Variants in ADCY9 observed in about 807,000 individuals in gnomAD.
ADCY9 encodes adenylate cyclase type 9.
ADCY9 carries 50 observed loss-of-function variants against 101.5 expected under a neutral mutation model. The ratio of observed to expected loss-of-function variants is 0.49; its 90% CI spans 0.39 to 0.62. The LOEUF is 0.62. Ranked by LOEUF, ADCY9 falls within the 20% of genes least tolerant of loss-of-function variation. The pLI, the probability that ADCY9 is intolerant of heterozygous loss-of-function variation, is 0.00. For synonymous variants in ADCY9, 905 were observed against 769.3 expected (o/e 1.18, Z -2.92); for missense variants, 1,662 against 1,800.4 (o/e 0.92, Z 1.39).
At chr16:3,980,861 G>A (rs910627095) in intron 7 of ADCY9, among the ~76,000 whole-genome samples, 1 of 152,214 alleles carries the variant, frequency 6.6e-6, no homozygotes, top group East Asian at 1.9e-4. Flanking sequence ...CTTCATGCTG[G>A]TCCCTGAGAC....
rs149609280 is a variant in ADCY9, at chr16:4,105,248, T to C, written c.1693+8502A>G. ...GGTGAAATGAATTACTATTTTGAAA[T>C]AAATTTAGAAAAGATTTTTAAGCTT... is the stretch of plus-strand genomic sequence containing the variant. On this transcript the variant is annotated intron_variant, in intron 2 of 10. Transcript: ENST00000294016. Among the ~76,000 whole-genome samples the C allele has an allele frequency of 1.8e-3, 272 of 152,312 alleles. 2 individuals are homozygous for C. In the Middle Eastern group the frequency reaches 0.024, roughly 13 times the overall value.
chr16:4,103,300 G>C (rs958111592), intron 2 of ADCY9, among the ~76,000 whole-genome samples: 5 of 152,210 alleles, frequency 3.3e-5, no homozygotes, highest in Non-Finnish European at 7.3e-5. Flanking sequence ...ATCCCTAGAG[G>C]TCCTTGAGGC....
chr16:4,097,487 TAC>T (rs71139606), intron 2 of ADCY9, among the ~76,000 whole-genome samples: 2 of 72,508 alleles, frequency 2.8e-5, no homozygotes, highest in Non-Finnish European at 5.3e-5. Context: ...TATATATATA[TAC>T]ACACACACAC....
intron 10 of ADCY9, among the ~76,000 whole-genome samples, chr16:3,973,149 A>G (rs986908197): frequency 3.3e-5 from 5 of 152,156 alleles, no homozygotes; most frequent in Non-Finnish European, 7.3e-5. Flanking sequence ...ATTTGAGTAA[A>G]TGTATAATCA....
intron 2 of ADCY9, among the ~76,000 whole-genome samples, chr16:4,091,151 G>A (rs1350363050): frequency 6.6e-6 from 1 of 152,120 alleles, no homozygotes; most frequent in African/African-American, 2.4e-5. Flanking sequence ...TCGGCTCACT[G>A]CAACCTCTGC....
chr16:4,081,698 G>A (rs1298746578), intron 2 of ADCY9, among the ~76,000 whole-genome samples: 1 of 151,986 alleles, frequency 6.6e-6, no homozygotes, highest in African/African-American at 2.4e-5. Context: ...CCAGGGTGCA[G>A]GAGGGGAGGA....
chr16:3,991,843 G>C (rs2056246907), intron 5 of ADCY9, among the ~76,000 whole-genome samples: 1 of 151,640 alleles, frequency 6.6e-6, no homozygotes. Flanking sequence ...GGTGGGGTAG[G>C]TGGATCACCC....
At chr16:3,959,766 C>T (rs552020456), downstream of ADCY9, among the ~76,000 whole-genome samples, 1 of 152,290 alleles carries the variant, frequency 6.6e-6, no homozygotes, top group Non-Finnish European at 1.5e-5. Flanking sequence ...TGGCTCATGG[C>T]TGTAATCCTA....
intron 8 of ADCY9, among the ~76,000 whole-genome samples, chr16:3,978,272 C>T (rs1168829301): frequency 6.6e-6 from 1 of 152,182 alleles, no homozygotes; most frequent in Non-Finnish European, 1.5e-5. Context: ...TCCTTCAAAA[C>T]ACTTTTCCTT....
At chr16:4,106,422 T>C (rs437115) in intron 2 of ADCY9, among the ~76,000 whole-genome samples, 65,608 of 152,010 alleles carry the variant, frequency 0.43, 14,517 homozygotes, top group Middle Eastern at 0.47. Context: ...CACCGGTGCC[T>C]GGCCACTTCC....
chr16:4,115,572 G>A lies in ADCY9; in HGVS notation c.-43-87C>T. On this transcript the variant is annotated intron_variant, in intron 1 of 10. Coordinates refer to ENST00000294016, the MANE Select transcript of ADCY9 (RefSeq NM_001116.4). This position sits in a 1 kb window ranked among gnomAD's most constrained non-coding sequence, Gnocchi z 6.2. ...GGGACCTGCTCCTGTCCTAAGGGGC[G>A]GCTCCAGCACGCGACCTGGACAGGC... 8.5e-7 allele frequency: 1 copy of A among 1,181,884 alleles called. No individual in the cohort carries two copies. Among genetic ancestry groups the A allele is most frequent in the Non-Finnish European group, 1.2e-6 (1 of 869,412 alleles). 73.2% of individuals were successfully genotyped at this position (1,181,884 alleles called of 1,614,324 possible). A position where few individuals can be genotyped will look rare whatever the true frequency, so the allele number is the denominator to read the frequency against.
chr16:4,061,069 A>G (rs914725112), intron 2 of ADCY9, among the ~76,000 whole-genome samples: 7 of 152,160 alleles, frequency 4.6e-5, no homozygotes, highest in African/African-American at 1.7e-4. Context: ...GTTCAAAAGT[A>G]TAATAACTGT....
Position 3,983,277 on chromosome 16 carries a change from C to G in ADCY9, c.2474G>C (p.Ser825Thr), listed in dbSNP as rs766342969. The change falls in exon 7 of 11, where the codon AGT becomes ACT. Residue 825 changes from serine to threonine, a missense_variant. Transcript: ENST00000294016. Reference sequence around the variant, plus strand: ...CAGCACCTCCAGCAGCAGGGCTGCACTGAAGACCGCCAGGGCGGCGGGCGG... The same window carrying G: ...CAGCACCTCCAGCAGCAGGGCTGCAGTGAAGACCGCCAGGGCGGCGGGCGG... ...PPPPAALAVF[S>T]AALLLEVLSL... 1.3e-6 allele frequency: 2 copies of G among 1,555,386 alleles called. No homozygotes were observed. The highest frequency in any genetic ancestry group is 2.4e-5 in the East Asian group (1 of 41,044).
intron 5 of ADCY9, among the ~76,000 whole-genome samples, chr16:3,989,300 A>G (rs2056224416): frequency 1.3e-5 from 2 of 152,076 alleles, no homozygotes; most frequent in Admixed American, 1.3e-4. Context: ...AAGCATAATC[A>G]TATTTTGTGT....
At chr16:4,107,466 G>A (rs1374578485) in intron 2 of ADCY9, among the ~76,000 whole-genome samples, 2 of 142,342 alleles carry the variant, frequency 1.4e-5, no homozygotes, top group African/African-American at 2.6e-5. Context: ...CAGGAGAACC[G>A]CTTGAACCTG....
chr16:3,983,483 G>C (rs1455714533), intron 6 of ADCY9, 43 bp from the exon 7 acceptor site: 1 of 1,535,734 alleles, frequency 6.5e-7, no homozygotes, highest in East Asian at 2.4e-5. Context: ...GGAGGCCATG[G>C]GCGGCCAGGA....
Position 4,014,939 on chromosome 16 carries a change from C to CTTTTTTTTTTTTT in ADCY9, c.1694-7394_1694-7382dup, listed in dbSNP as rs578260761. 2.1e-5 allele frequency among the ~76,000 whole-genome samples: 2 copies of CTTTTTTTTTTTTT among 93,240 alleles called. 1 individual carries two copies. The highest frequency in any genetic ancestry group is 8.7e-5 in the African/African-American group (2 of 23,010). The allele number at this position is 93,240 out of a possible 152,430, so 61.2% of individuals were successfully genotyped here. A position where few individuals can be genotyped will look rare whatever the true frequency, so the allele number is the denominator to read the frequency against. On this transcript the variant is annotated intron_variant, in intron 2 of 10. Coordinates refer to ENST00000294016, the MANE Select transcript of ADCY9 (RefSeq NM_001116.4). ...AGTGACCACATTCCCCTGTTTTGGCCTTTTTTTTTTTTTTTTTTTTGAGAC... is the reference window on the plus strand; with the variant it reads ...AGTGACCACATTCCCCTGTTTTGGCCTTTTTTTTTTTTTTTTTTTTTTTTTTTTTTTTTGAGAC...
rs986055778 is a variant in ADCY9 at position 3,965,681 on chromosome 16, G to C, written c.*94C>G. On this transcript the variant is annotated 3_prime_UTR_variant, in exon 11 of 11. Transcript: ENST00000294016. ...GACCACATAACACCACGTCCGGGGA[G>C]GGCAACTGTGGCGCTTGGAAAGCAC... The C allele has an allele frequency of 2.6e-6, 3 of 1,173,246 alleles. No individual in the cohort carries two copies. The highest frequency in any genetic ancestry group is 2.4e-6 in the Non-Finnish European group (2 of 825,420). 72.7% of individuals were successfully genotyped at this position (1,173,246 alleles called of 1,614,324 possible).
chr16:4,052,256 T>C (rs1410871422), intron 2 of ADCY9, among the ~76,000 whole-genome samples: 2 of 152,218 alleles, frequency 1.3e-5, no homozygotes, highest in African/African-American at 4.8e-5. Context: ...TCGAGAGCCA[T>C]TGACACAGAC....
Sources: allele counts gnomAD v4.1 joint callset (sites outside exome capture counted in the v4.1 genomes callset), GRCh38; gene constraint gnomAD v4.1.1; non-coding constraint Gnocchi (gnomAD v3.1); transcripts MANE v1.5; gene names NCBI Gene and HGNC (gene_info 2026-07-23, HGNC 2026-07-21).